The following ASCC1 variants were observed in gnomAD, a reference collection of about 807,000 sequenced individuals.
ASCC1 encodes ASC-1 complex subunit P50.
Under a neutral mutation model 46.6 loss-of-function variants are expected in ASCC1, and 35 were observed. The observed-to-expected ratio is 0.75, with a 90% CI of 0.57 to 0.99. The LOEUF is 0.99. ASCC1 is among the 50% of genes least tolerant of loss of function. The pLI, the probability that ASCC1 is intolerant of heterozygous loss-of-function variation, is 0.00. For synonymous variants in ASCC1, 143 were observed against 146.6 expected (o/e 0.98, Z 0.18); for missense variants, 376 against 428.7 (o/e 0.88, Z 1.09).
chr10:72,216,661 TAGAA>T (rs991050016), upstream of ASCC1, among the ~76,000 whole-genome samples: 26 of 152,084 alleles, frequency 1.7e-4, no homozygotes, highest in African/African-American at 5.8e-4. Flanking sequence ...ATATATCTGT[TAGAA>T]AGGAAAGGAA....
At chr10:72,131,345 G>GT (rs1845562258) in intron 8 of ASCC1, among the ~76,000 whole-genome samples, 1 of 151,970 alleles carries the variant, frequency 6.6e-6, no homozygotes, top group African/African-American at 2.4e-5. Flanking sequence ...CTTCAACCTG[G>GT]GGGGCGGAGG....
At chr10:72,191,617 A>G (rs893408283) in intron 5 of ASCC1, among the ~76,000 whole-genome samples, 2 of 152,124 alleles carry the variant, frequency 1.3e-5, no homozygotes, top group Non-Finnish European at 2.9e-5. Flanking sequence ...CATTCTAAAA[A>G]GAAAACCTTC....
chr10:72,216,929 A>C, upstream of ASCC1: 1 of 456,260 alleles, frequency 2.2e-6, no homozygotes, highest in South Asian at 1.5e-5. Flanking sequence ...AGTTGTGCGA[A>C]TAGATCTGCA....
At chr10:72,146,803 T>C (rs1847681902) in intron 7 of ASCC1, among the ~76,000 whole-genome samples, 1 of 152,100 alleles carries the variant, frequency 6.6e-6, no homozygotes, top group South Asian at 2.1e-4. Flanking sequence ...CATTTCACAT[T>C]CAATCATTTA....
intron 7 of ASCC1, among the ~76,000 whole-genome samples, chr10:72,147,379 G>A (rs921921693): frequency 1.3e-5 from 2 of 151,804 alleles, no homozygotes; most frequent in African/African-American, 2.4e-5. Flanking sequence ...TCAGCCTCCC[G>A]AGCAGCTGCG....
At chr10:72,121,505 T>C (rs1258814429) in intron 9 of ASCC1, among the ~76,000 whole-genome samples, 1 of 144,256 alleles carries the variant, frequency 6.9e-6, no homozygotes, top group African/African-American at 2.7e-5. Context: ...TGTCCCAGCA[T>C]AGATGGGTTC....
At chr10:72,132,946 C>CT (rs1845773036) in intron 8 of ASCC1, 111 bp downstream of exon 8, 2 of 1,416,356 alleles carry the variant, frequency 1.4e-6, no homozygotes, top group Non-Finnish European at 2.0e-6. Context: ...GCTAAGAGGT[C>CT]TAAAAAAGAA....
chr10:72,181,731 G>A (rs955670046), intron 5 of ASCC1, among the ~76,000 whole-genome samples: 1 of 151,992 alleles, frequency 6.6e-6, no homozygotes, highest in African/African-American at 2.4e-5. Context: ...TGTTGCCCAG[G>A]CTGGAGTGCA....
chr10:72,187,935 AGAGT>A (rs1456353656), intron 5 of ASCC1, among the ~76,000 whole-genome samples: 3 of 151,440 alleles, frequency 2.0e-5, no homozygotes, highest in Non-Finnish European at 4.4e-5. Context: ...CCTGGGTGAC[AGAGT>A]GAGAGTCTGT....
intron 2 of ASCC1, among the ~76,000 whole-genome samples, chr10:72,211,715 C>T (rs1858153828): frequency 1.3e-5 from 2 of 150,304 alleles, no homozygotes; most frequent in Non-Finnish European, 3.0e-5. Flanking sequence ...CCCAGCTACT[C>T]AGGAGGCTGA....
At chr10:72,204,163 C>G (rs773207045) in intron 3 of ASCC1, among the ~76,000 whole-genome samples, 23 of 152,298 alleles carry the variant, frequency 1.5e-4, no homozygotes, top group African/African-American at 4.1e-4. Context: ...GCAGGAGAAT[C>G]ACTTGAACCC....
At chr10:72,132,912 C>T in intron 8 of ASCC1, 145 bp downstream of exon 8, 1 of 961,276 alleles carries the variant, frequency 1.0e-6, no homozygotes, top group South Asian at 1.5e-5. Flanking sequence ...TTCTTGCCCA[C>T]CTCTACTATG....
Position 72,210,716 on chromosome 10 carries a change from TG to T in ASCC1, c.212+15del. On this transcript the variant is annotated intron_variant, in intron 3 of 9. Transcript: ENST00000672957. The stretch of plus-strand genomic sequence containing the variant: ...TGGAAGTGTCTTCCCATGAAACTGT[TG>T]GGGACATGACTCACTTATAGAGCAA... The T allele has an allele frequency of 6.2e-7, 1 of 1,611,506 alleles. No individual in the cohort carries two copies. The highest frequency in any genetic ancestry group is 8.5e-7 in the Non-Finnish European group (1 of 1,177,652).
intron 5 of ASCC1, among the ~76,000 whole-genome samples, chr10:72,166,436 C>T (rs1268010030): frequency 6.6e-6 from 1 of 151,050 alleles, no homozygotes; most frequent in African/African-American, 2.4e-5. Context: ...AGTTCAAGAC[C>T]AGCCTGGCAA....
chr10:72,178,260 C>A (rs1449069400), intron 5 of ASCC1, among the ~76,000 whole-genome samples: 2 of 152,032 alleles, frequency 1.3e-5, no homozygotes, highest in Non-Finnish European at 2.9e-5. Context: ...TCAGACTGAC[C>A]CCTAATGACC....
chr10:72,201,030 G>A (rs954522976), intron 4 of ASCC1, among the ~76,000 whole-genome samples: 1 of 152,176 alleles, frequency 6.6e-6, no homozygotes, highest in Non-Finnish European at 1.5e-5. Flanking sequence ...CCTGACACGT[G>A]CGGCTCCTGT....
At chr10:72,132,774 T>G (rs747513880) in intron 8 of ASCC1, among the ~76,000 whole-genome samples, 3 of 151,674 alleles carry the variant, frequency 2.0e-5, no homozygotes, top group Non-Finnish European at 4.4e-5. Flanking sequence ...GACATACTTA[T>G]GCCAAAAATT....
At chr10:72,175,412 C>A (rs1430620993) in intron 5 of ASCC1, among the ~76,000 whole-genome samples, 1 of 152,196 alleles carries the variant, frequency 6.6e-6, no homozygotes, top group Non-Finnish European at 1.5e-5. Context: ...CTAAATTAGG[C>A]TCTGCTGAGT....
At chr10:72,183,093 A>G (rs1162578416) in intron 5 of ASCC1, among the ~76,000 whole-genome samples, 1 of 146,466 alleles carries the variant, frequency 6.8e-6, no homozygotes, top group Non-Finnish European at 1.5e-5. Context: ...CCCAGGCTGG[A>G]GTGCAGTGGT....
Sources: allele counts gnomAD v4.1 joint callset (sites outside exome capture counted in the v4.1 genomes callset), GRCh38; gene constraint gnomAD v4.1.1; transcripts MANE v1.5; gene names NCBI Gene and HGNC (gene_info 2026-07-23, HGNC 2026-07-21).